CLPTM1: variants seen among roughly 807,000 people sequenced by gnomAD.
CLPTM1 encodes CLPTM1 regulator of GABA type A receptor forward trafficking, also known as putative lipid scramblase CLPTM1.
In CLPTM1, 21 loss-of-function variants were observed where a neutral mutation model predicts 77.3. The observed-to-expected ratio is 0.27, with a 90% CI of 0.19 to 0.39. CLPTM1 has a LOEUF of 0.39. Among genes scored for constraint, CLPTM1 ranks in the 10% least tolerant of loss-of-function variants. The pLI is 1.00. For missense variants in CLPTM1, 642 were observed against 921.2 expected, an observed-to-expected ratio of 0.70 and a Z score of 3.92; for synonymous variants, 373 against 381.0, an observed-to-expected ratio of 0.98 and a Z score of 0.24.
At chr19:44,987,637 T>A in intron 8 of CLPTM1, 1 of 627,190 alleles carries the variant, frequency 1.6e-6, no homozygotes, top group South Asian at 2.0e-5. Context: ...CAGGCTGTTC[T>A]GTTGGACCCT....
intron 7 of CLPTM1, 51 bp downstream of exon 7, chr19:44,986,626 C>T (rs922438901): frequency 1.0e-5 from 16 of 1,593,918 alleles, no homozygotes; most frequent in Admixed American, 3.4e-5. Flanking sequence ...AGAGGGTGCT[C>T]GGGGTCCATC....
intron 9 of CLPTM1, among the ~76,000 whole-genome samples, chr19:44,988,394 G>C (rs1245880272): frequency 6.6e-5 from 10 of 152,230 alleles, no homozygotes; most frequent in Admixed American, 4.6e-4. Context: ...GGGCTGGCCC[G>C]CTGGTGGGGC....
upstream of CLPTM1, chr19:44,954,923 A>C: frequency 6.7e-7 from 1 of 1,481,656 alleles, no homozygotes; most frequent in Non-Finnish European, 9.1e-7. Context: ...TAGTTCTTCG[A>C]ATCAGAATAC....
chr19:44,987,395 A>G lies in CLPTM1; in HGVS notation c.1010A>G (p.Gln337Arg). The G allele has an allele frequency of 6.2e-7, 1 of 1,613,970 alleles. No individual in the cohort carries two copies. Among genetic ancestry groups the G allele is most frequent in the Non-Finnish European group, 8.5e-7 (1 of 1,179,894 alleles). Reference sequence around the variant, plus strand: ...TTCCTGGGTGATGAGTTGTACGAGCAGTCAGATGAGGAGCAGGACTCGGTG... The same window carrying G: ...TTCCTGGGTGATGAGTTGTACGAGCGGTCAGATGAGGAGCAGGACTCGGTG... ...WNFLGDELYEQSDEEQDSVKV... is the reference protein window; with the variant it reads ...WNFLGDELYERSDEEQDSVKV... The change falls in exon 8 of 14, where the codon CAG (glutamine) becomes CGG (arginine). Residue 337 changes from glutamine to arginine, a missense_variant. Transcript: ENST00000337392.
At chr19:44,955,241 G>A (rs1246582463), upstream of CLPTM1, 2 of 1,496,986 alleles carry the variant, frequency 1.3e-6, no homozygotes, top group South Asian at 1.3e-5. Flanking sequence ...TCCTTCCATA[G>A]CCGGAAGTGG....
At chr19:44,970,918 T>C (rs1302953346) in intron 2 of CLPTM1, among the ~76,000 whole-genome samples, 2 of 145,074 alleles carry the variant, frequency 1.4e-5, no homozygotes, top group South Asian at 2.2e-4. Flanking sequence ...GCAACCTCCT[T>C]CTCCTGGGTT....
chr19:44,986,758 G>C, intron 7 of CLPTM1, 183 bp downstream of exon 7: 1 of 706,350 alleles, frequency 1.4e-6, no homozygotes, highest in Non-Finnish European at 2.3e-6. Flanking sequence ...CCACCCCTGG[G>C]GACCCCAGGA....
At chr19:44,974,838 G>A (rs957008763) in intron 4 of CLPTM1, among the ~76,000 whole-genome samples, 2 of 152,194 alleles carry the variant, frequency 1.3e-5, no homozygotes, top group African/African-American at 4.8e-5. Flanking sequence ...TACCTCTAAG[G>A]TTGTGCAGTC....
Position 44,986,148 on chromosome 19 carries a change from G to A in CLPTM1, c.673-307G>A, listed in dbSNP as rs541318827. 2.2e-4 allele frequency among the ~76,000 whole-genome samples: 33 copies of A among 152,288 alleles called. No individual in the cohort carries two copies. In the South Asian group the frequency reaches 2.9e-3, roughly 13 times the overall value. Reference sequence around the variant, plus strand: ...GGATCACTTGAGCCCGGAAGTTCAAGATCAGCCCAGGCAGCATAGTGAGAC... The same window carrying A: ...GGATCACTTGAGCCCGGAAGTTCAAAATCAGCCCAGGCAGCATAGTGAGAC... On this transcript the variant is annotated intron_variant, in intron 6 of 13. Transcript: ENST00000337392.
chr19:44,974,115 C>T (rs1970767852), intron 3 of CLPTM1, among the ~76,000 whole-genome samples: 1 of 151,828 alleles, frequency 6.6e-6, no homozygotes, highest in Admixed American at 6.6e-5. Context: ...GCCTGCAGAG[C>T]TCTGACCAGG....
intron 2 of CLPTM1, among the ~76,000 whole-genome samples, chr19:44,969,079 A>G (rs1460571841): frequency 1.3e-5 from 2 of 152,172 alleles, no homozygotes; most frequent in African/African-American, 2.4e-5. Flanking sequence ...AGTTTTTTGT[A>G]TGCCTTTTTC....
chr19:44,968,232 T>C (rs1385650372), intron 2 of CLPTM1, among the ~76,000 whole-genome samples: 1 of 152,150 alleles, frequency 6.6e-6, no homozygotes, highest in African/African-American at 2.4e-5. Context: ...GTTCTTAAAA[T>C]GGGATCCAGG....
At chr19:44,957,252 C>G (rs1970478575) in intron 1 of CLPTM1, among the ~76,000 whole-genome samples, 1 of 152,176 alleles carries the variant, frequency 6.6e-6, no homozygotes, top group Non-Finnish European at 1.5e-5. Flanking sequence ...GTGTATTAGT[C>G]CTACAGATTT....
chr19:44,980,874 G>GCC (rs1970884894), intron 5 of CLPTM1, among the ~76,000 whole-genome samples: 1 of 151,272 alleles, frequency 6.6e-6, no homozygotes, highest in Non-Finnish European at 1.5e-5. Context: ...GTCTTGCTCT[G>GCC]TTGCCCAGGC....
chr19:44,987,122 G>A (rs1243001902), intron 7 of CLPTM1, 57 bp from the exon 8 acceptor site: 2 of 1,567,226 alleles, frequency 1.3e-6, no homozygotes, highest in African/African-American at 2.7e-5. Context: ...TCTGAGGCCT[G>A]CGGGTACCCT....
chr19:44,967,544 C>G (rs1219371702), intron 2 of CLPTM1, among the ~76,000 whole-genome samples: 4 of 151,822 alleles, frequency 2.6e-5, no homozygotes, highest in Admixed American at 2.6e-4. Context: ...GTAATCCCAG[C>G]TATTCAGGAG....
chr19:44,970,971 C>T (rs908750836), intron 2 of CLPTM1, among the ~76,000 whole-genome samples: 2 of 146,222 alleles, frequency 1.4e-5, no homozygotes, highest in African/African-American at 5.4e-5. Flanking sequence ...GCTGGGATTA[C>T]AGGCATGCAC....
chr19:44,987,393 G>A lies in CLPTM1; in HGVS notation c.1008G>A (p.Glu336=). The A allele has an allele frequency of 1.2e-6, 2 of 1,613,948 alleles. No homozygotes were observed. Among genetic ancestry groups the A allele is most frequent in the Non-Finnish European group, 1.7e-6 (2 of 1,179,918 alleles). Residue 336 remains glutamate (E), a synonymous_variant, in exon 8 of 14, where the codon GAG becomes GAA. Transcript: ENST00000337392. ...PWNFLGDELY[E]QSDEEQDSVK... ...ACTTCCTGGGTGATGAGTTGTACGA[G>A]CAGTCAGATGAGGAGCAGGACTCGG...
Position 44,993,188 on chromosome 19 carries a change from G to GT in CLPTM1, c.*293dup. 3.5e-6 allele frequency: 1 copy of GT among 285,798 alleles called. No individual in the cohort carries two copies. The highest frequency in any genetic ancestry group is 2.7e-5 in the South Asian group (1 of 36,742). The allele number at this position is 285,798 out of a possible 1,614,324, so 17.7% of individuals were successfully genotyped here. On this transcript the variant is annotated 3_prime_UTR_variant, in exon 14 of 14. Transcript: ENST00000337392. Reference sequence around the variant, plus strand: ...TGATGCAGCGTTGCCGAGGGGGTGGGTTGGGCGGGGGTGGGGCCGGGCCCC... The same window carrying GT: ...TGATGCAGCGTTGCCGAGGGGGTGGGTTTGGGCGGGGGTGGGGCCGGGCCCC...
Sources: gnomAD v4.1 joint callset for allele counts (sites outside exome capture counted in the v4.1 genomes callset) on GRCh38, gnomAD v4.1.1 for gene constraint, MANE v1.5 for transcripts, NCBI Gene and HGNC (gene_info 2026-07-23, HGNC 2026-07-21) for gene names.